MECOM: variants seen among roughly 807,000 people sequenced by gnomAD.
MECOM encodes the protein histone-lysine N-methyltransferase MECOM.
MECOM carries 13 observed loss-of-function variants against 116.3 expected under a neutral mutation model. The observed-to-expected ratio is 0.11, with a 90% confidence interval of 0.07 to 0.18. The LOEUF (loss-of-function observed/expected upper bound fraction) is 0.18. Among genes scored for constraint, MECOM ranks in the 10% least tolerant of loss-of-function variants. The pLI is 1.00. For synonymous variants in MECOM, 528 were observed against 535.2 expected (o/e 0.99, Z 0.19); for missense variants, 1,299 against 1,509.0 (o/e 0.86, Z 2.31).
At chr3:169,334,624 C>A (rs981597279) in intron 2 of MECOM, among the ~76,000 whole-genome samples, 3 of 152,112 alleles carry the variant, frequency 2.0e-5, no homozygotes, top group African/African-American at 7.2e-5. Flanking sequence ...GGATGCTGAT[C>A]CTGTATAATA....
At chr3:169,633,902 C>A (rs1772394196) in intron 1 of MECOM, among the ~76,000 whole-genome samples, 3 of 137,162 alleles carry the variant, frequency 2.2e-5, no homozygotes, top group South Asian at 2.4e-4. Context: ...GTGACCCTGG[C>A]AAAAAAAAAA....
At chr3:169,577,451 G>A (rs1470380798) in intron 1 of MECOM, among the ~76,000 whole-genome samples, 1 of 145,596 alleles carries the variant, frequency 6.9e-6, no homozygotes, top group East Asian at 2.0e-4. Flanking sequence ...CAAGACAGCT[G>A]GCTAAAACCC....
At chr3:169,123,577 T>G (rs1224696490) in intron 5 of MECOM, among the ~76,000 whole-genome samples, 1 of 152,006 alleles carries the variant, frequency 6.6e-6, no homozygotes, top group Admixed American at 6.6e-5. Flanking sequence ...GATAATGGAT[T>G]ATGTGATAGA....
At chr3:169,175,703 T>A (rs2149382682) in intron 2 of MECOM, among the ~76,000 whole-genome samples, 1 of 152,290 alleles carries the variant, frequency 6.6e-6, no homozygotes, top group South Asian at 2.1e-4. Context: ...TGTGCTATGT[T>A]CTCCAGACCC....
At chr3:169,514,308 AAAG>A (rs1014027303) in intron 1 of MECOM, among the ~76,000 whole-genome samples, 1 of 151,826 alleles carries the variant, frequency 6.6e-6, no homozygotes, top group African/African-American at 2.4e-5. Context: ...GTCAAAAAAA[AAAG>A]AGAGAGAGAG....
At chr3:169,224,774 C>T (rs960626702) in intron 2 of MECOM, among the ~76,000 whole-genome samples, 1 of 152,090 alleles carries the variant, frequency 6.6e-6, no homozygotes, top group African/African-American at 2.4e-5. Flanking sequence ...CAAGGGGGCC[C>T]GTAGAGAATC....
At chr3:169,461,567 T>C (rs1747449356) in intron 1 of MECOM, among the ~76,000 whole-genome samples, 1 of 152,184 alleles carries the variant, frequency 6.6e-6, no homozygotes, top group Admixed American at 6.6e-5. Context: ...GGCTTCTTGG[T>C]TCCCACTGTA....
chr3:169,266,438 C>T (rs907239500), intron 2 of MECOM, among the ~76,000 whole-genome samples: 1 of 152,164 alleles, frequency 6.6e-6, no homozygotes, highest in Admixed American at 6.5e-5. Context: ...AATAAGCAAA[C>T]TATTTACTTC....
Position 169,663,400 on chromosome 3 carries a change from G to T in MECOM, c.-28C>A. The T allele has an allele frequency of 6.2e-7, 1 of 1,603,564 alleles. No individual in the cohort carries two copies. The highest frequency in any genetic ancestry group is 8.5e-7 in the Non-Finnish European group (1 of 1,175,172). ...TGTGCCCAGTCCTGCAGCCGCTGGT[G>T]TGTGGTTGGGGCTTTTTTTTCTTGG... On this transcript the variant is annotated 5_prime_UTR_variant, in exon 1 of 17. Transcript: ENST00000651503.
At chr3:169,491,851 A>G (rs549346629) in intron 1 of MECOM, among the ~76,000 whole-genome samples, 11 of 152,338 alleles carry the variant, frequency 7.2e-5, no homozygotes, top group African/African-American at 2.6e-4. Flanking sequence ...GCTATGAATC[A>G]CATCACATTC....
At chr3:169,542,154 A>T (rs978852593) in intron 1 of MECOM, among the ~76,000 whole-genome samples, 2 of 152,230 alleles carry the variant, frequency 1.3e-5, no homozygotes, top group Admixed American at 6.5e-5. Flanking sequence ...CCTAAAACGC[A>T]TTGAAAGTTT....
At chr3:169,120,389 G>A (rs1730607080) in intron 7 of MECOM, among the ~76,000 whole-genome samples, 1 of 152,176 alleles carries the variant, frequency 6.6e-6, no homozygotes, top group African/African-American at 2.4e-5. Flanking sequence ...TTCTAAGTAG[G>A]TGGTCAGATC....
intron 2 of MECOM, among the ~76,000 whole-genome samples, chr3:169,297,888 T>C (rs1484210237): frequency 6.6e-6 from 1 of 152,218 alleles, no homozygotes; most frequent in African/African-American, 2.4e-5. Flanking sequence ...AAGGTCCTTG[T>C]GATTTGATAC....
chr3:169,600,647 G>T (rs919436240), intron 1 of MECOM, among the ~76,000 whole-genome samples: 4 of 152,142 alleles, frequency 2.6e-5, no homozygotes, highest in Non-Finnish European at 4.4e-5. Flanking sequence ...ATTATAAACC[G>T]CATTTCAGGA....
At chr3:169,480,293 C>T (rs767771612) in intron 1 of MECOM, among the ~76,000 whole-genome samples, 51 of 152,312 alleles carry the variant, frequency 3.3e-4, no homozygotes, top group Non-Finnish European at 6.6e-4. Flanking sequence ...TGGGCTCTAC[C>T]TGCTAGCTTG....
At chr3:169,160,585 A>T (rs1037221681) in intron 2 of MECOM, among the ~76,000 whole-genome samples, 1 of 148,450 alleles carries the variant, frequency 6.7e-6, no homozygotes, top group Non-Finnish European at 1.5e-5. Context: ...TTATTTTAAA[A>T]TGTACAATAT....
At chr3:169,286,321 A>T (rs1461588735) in intron 2 of MECOM, among the ~76,000 whole-genome samples, 1 of 152,176 alleles carries the variant, frequency 6.6e-6, no homozygotes, top group South Asian at 2.1e-4. Context: ...CCCCTCTGCT[A>T]CCTGGGTGAT....
intron 1 of MECOM, among the ~76,000 whole-genome samples, chr3:169,631,551 G>A (rs1294513088): frequency 6.6e-6 from 1 of 151,284 alleles, no homozygotes; most frequent in East Asian, 1.9e-4. Context: ...ATGCTGGTGT[G>A]CTGCACCCAT....
At chr3:169,296,718 T>A (rs1200662142) in intron 2 of MECOM, among the ~76,000 whole-genome samples, 2 of 152,214 alleles carry the variant, frequency 1.3e-5, no homozygotes, top group African/African-American at 4.8e-5. Flanking sequence ...GGAATAGACT[T>A]GGCACTTTTG....
Sources: allele counts gnomAD v4.1 joint callset (sites outside exome capture counted in the v4.1 genomes callset), GRCh38; gene constraint gnomAD v4.1.1; transcripts MANE v1.5; gene names NCBI Gene and HGNC (gene_info 2026-07-23, HGNC 2026-07-21).